CNTNAP5: variants seen among roughly 807,000 people sequenced by gnomAD.
CNTNAP5 encodes the protein contactin-associated protein-like 5.
In CNTNAP5, 72 loss-of-function variants were observed where a neutral mutation model predicts 150.2. The ratio of observed to expected loss-of-function variants is 0.48; its 90% CI spans 0.40 to 0.58. The LOEUF is 0.58. Among genes scored for constraint, CNTNAP5 ranks in the 20% least tolerant of loss-of-function variants. The pLI, the probability that CNTNAP5 is intolerant of heterozygous loss-of-function variation, is 0.00. For missense variants in CNTNAP5, 1,636 were observed against 1,626.2 expected (o/e 1.01, Z -0.10); for synonymous variants, 672 against 619.8 (o/e 1.08, Z -1.25).
At chr2:124,588,470 A>G (rs1370946204) in intron 11 of CNTNAP5, among the ~76,000 whole-genome samples, 1 of 151,978 alleles carries the variant, frequency 6.6e-6, no homozygotes, top group East Asian at 1.9e-4. Flanking sequence ...CCAATACTTT[A>G]GAAGGTGTGT....
chr2:124,120,836 A>G (rs189132775), intron 1 of CNTNAP5, among the ~76,000 whole-genome samples: 9 of 152,286 alleles, frequency 5.9e-5, no homozygotes, highest in African/African-American at 1.7e-4. Flanking sequence ...TATGACCTCA[A>G]TGAAGTGCCT....
intron 2 of CNTNAP5, among the ~76,000 whole-genome samples, chr2:124,227,774 G>A (rs894995770): frequency 6.6e-6 from 1 of 151,486 alleles, no homozygotes; most frequent in Admixed American, 6.6e-5. Flanking sequence ...TGGTGAGGGT[G>A]GGGGGAGGCG....
intron 3 of CNTNAP5, among the ~76,000 whole-genome samples, chr2:124,311,574 A>T (rs950856607): frequency 6.6e-6 from 1 of 152,302 alleles, no homozygotes; most frequent in African/African-American, 2.4e-5. Flanking sequence ...ATATGTTCAC[A>T]TTGGGGGCTA....
At chr2:124,619,275 A>C (rs1214512968) in intron 12 of CNTNAP5, among the ~76,000 whole-genome samples, 2 of 152,252 alleles carry the variant, frequency 1.3e-5, no homozygotes, top group East Asian at 1.9e-4. Flanking sequence ...ATGAAAATGC[A>C]CATAAGGAGA....
chr2:124,263,218 C>T (rs947005179), intron 3 of CNTNAP5, among the ~76,000 whole-genome samples: 25 of 152,240 alleles, frequency 1.6e-4, no homozygotes, highest in African/African-American at 5.1e-4. Flanking sequence ...CTTGAGGAAT[C>T]GCCACACTGT....
At chr2:124,314,577 T>C (rs1195957856) in intron 3 of CNTNAP5, among the ~76,000 whole-genome samples, 1 of 152,228 alleles carries the variant, frequency 6.6e-6, no homozygotes, top group East Asian at 1.9e-4. Context: ...GATTCCCATC[T>C]TGATTATTTT....
intron 3 of CNTNAP5, among the ~76,000 whole-genome samples, chr2:124,397,299 G>A (rs147826136): frequency 3.9e-5 from 6 of 152,266 alleles, no homozygotes; most frequent in East Asian, 1.9e-4. Context: ...TCTGGAGGTT[G>A]GGAAGTCCAA....
At chr2:124,258,318 T>G (rs1297758324) in intron 3 of CNTNAP5, among the ~76,000 whole-genome samples, 1 of 152,174 alleles carries the variant, frequency 6.6e-6, no homozygotes, top group Non-Finnish European at 1.5e-5. Flanking sequence ...TCTTTGTACA[T>G]GACCAAAGAT....
At chr2:124,843,287 C>T (rs188944364) in intron 19 of CNTNAP5, among the ~76,000 whole-genome samples, 3 of 151,768 alleles carry the variant, frequency 2.0e-5, no homozygotes, top group South Asian at 2.1e-4. Flanking sequence ...ACTCGTTGAT[C>T]GATGAGCATT....
At chr2:124,682,210 C>A (rs1207397025) in intron 13 of CNTNAP5, among the ~76,000 whole-genome samples, 3 of 152,162 alleles carry the variant, frequency 2.0e-5, no homozygotes, top group African/African-American at 7.2e-5. Flanking sequence ...TTTTCAGAGT[C>A]TCTCTGATCT....
intron 3 of CNTNAP5, among the ~76,000 whole-genome samples, chr2:124,298,137 C>CT (rs1688487340): frequency 6.6e-6 from 1 of 152,058 alleles, no homozygotes; most frequent in Admixed American, 6.6e-5. Context: ...TCCCTTCTTC[C>CT]TTTTTTCTTA....
At chr2:124,527,518 TGA>T in intron 10 of CNTNAP5, 62 bp downstream of exon 10, 1 of 1,372,862 alleles carries the variant, frequency 7.3e-7, no homozygotes, top group South Asian at 1.5e-5. Flanking sequence ...GTTCTAAATA[TGA>T]GTTTCTTTAA....
chr2:124,843,991 C>T (rs1457830060), intron 19 of CNTNAP5, among the ~76,000 whole-genome samples: 1 of 152,082 alleles, frequency 6.6e-6, no homozygotes, highest in African/African-American at 2.4e-5. Context: ...TTTTGCTCTG[C>T]AGAAGCTTTT....
chr2:124,438,005 C>T lies in CNTNAP5; in HGVS notation c.733+3318C>T, dbSNP rs777779646. ...CTAAGAGTGAAGAAGTTCAGCACCACGGTCAGCTGCTCAGGATGGCACTGG... is the reference window on the plus strand; with the variant it reads ...CTAAGAGTGAAGAAGTTCAGCACCATGGTCAGCTGCTCAGGATGGCACTGG... On this transcript the variant is annotated intron_variant, in intron 5 of 23. Transcript: ENST00000682447. Among the ~76,000 whole-genome samples the T allele has an allele frequency of 7.2e-5, 11 of 152,286 alleles. 1 individual carries two copies. Among genetic ancestry groups the T allele is most frequent in the South Asian group, 2.1e-4 (1 of 4,828 alleles).
Position 124,132,266 on chromosome 2 carries a change from C to T in CNTNAP5, c.83-89439C>T, listed in dbSNP as rs141122021. On this transcript the variant is annotated intron_variant, in intron 1 of 23. Transcript: ENST00000682447. ...TAAGAATACACAAGGTTCCTCATAGCGCTCACTGGTGAATGGTCATTCTCA... is the reference window on the plus strand; with the variant it reads ...TAAGAATACACAAGGTTCCTCATAGTGCTCACTGGTGAATGGTCATTCTCA... Among the ~76,000 whole-genome samples the T allele has an allele frequency of 4.4e-4, 67 of 152,242 alleles. No homozygotes were observed. The East Asian group carries it at 7.7e-3, about 18-fold the overall frequency.
chr2:124,884,751 T>G (rs1234632474), intron 21 of CNTNAP5, among the ~76,000 whole-genome samples: 7 of 152,004 alleles, frequency 4.6e-5, no homozygotes, highest in Admixed American at 6.6e-5. Flanking sequence ...TTATGTCTCA[T>G]TTTTTGGTGA....
rs539711359 is a variant in CNTNAP5 at position 124,413,638 on chromosome 2, A to G, written c.382-3805A>G. ...CAGTAAACTATCGCAAGAACAAAAA[A>G]CCAAACACCGCATATTCTCACTCAT... On this transcript the variant is annotated intron_variant, in intron 3 of 23. Transcript: ENST00000682447. Among the ~76,000 whole-genome samples the G allele has an allele frequency of 8.8e-3, 831 of 94,152 alleles. 7 individuals carry two copies. Among genetic ancestry groups the G allele is most frequent in the African/African-American group, 0.033 (762 of 23,072 alleles). The allele number at this position is 94,152 out of a possible 152,430, so 61.8% of individuals were successfully genotyped here. A position where few individuals can be genotyped will look rare whatever the true frequency, so the allele number is the denominator to read the frequency against.
chr2:124,717,821 A>G (rs1244915400), intron 13 of CNTNAP5, among the ~76,000 whole-genome samples: 1 of 152,220 alleles, frequency 6.6e-6, no homozygotes, highest in African/African-American at 2.4e-5. Context: ...TTCATTTCTC[A>G]TTAAATTCAT....
intron 1 of CNTNAP5, among the ~76,000 whole-genome samples, chr2:124,188,586 G>T (rs1353465884): frequency 6.6e-6 from 1 of 151,816 alleles, no homozygotes; most frequent in Non-Finnish European, 1.5e-5. Context: ...GGGCGTGGTG[G>T]CGGGCGCCTG....
Sources: gnomAD v4.1 joint callset for allele counts (sites outside exome capture counted in the v4.1 genomes callset) on GRCh38, gnomAD v4.1.1 for gene constraint, MANE v1.5 for transcripts, NCBI Gene and HGNC (gene_info 2026-07-23, HGNC 2026-07-21) for gene names.